The following ANKRD17 variants were observed in gnomAD, a reference collection of about 807,000 sequenced individuals.
ANKRD17 encodes the protein ankyrin repeat domain 17.
ANKRD17 carries 19 observed loss-of-function variants against 229.7 expected under a neutral mutation model. The observed-to-expected ratio is 0.08, with a 90% confidence interval of 0.06 to 0.12. The LOEUF is 0.12. Among genes scored for constraint, ANKRD17 ranks in the 10% least tolerant of loss-of-function variants. ANKRD17 has a pLI of 1.00. For missense variants in ANKRD17, 2,176 were observed against 3,176.8 expected, an observed-to-expected ratio of 0.68 and a Z score of 7.57; for synonymous variants, 1,112 against 1,146.1, an observed-to-expected ratio of 0.97 and a Z score of 0.60.
intron 1 of ANKRD17, among the ~76,000 whole-genome samples, chr4:73,203,639 T>A (rs1738983692): frequency 2.0e-5 from 3 of 150,412 alleles, no homozygotes; most frequent in Non-Finnish European, 4.4e-5. Flanking sequence ...ATGCCTGTAG[T>A]CCCAGCTACT....
intron 1 of ANKRD17, among the ~76,000 whole-genome samples, chr4:73,182,113 A>G (rs1039542481): frequency 6.9e-6 from 1 of 144,250 alleles, no homozygotes; most frequent in Non-Finnish European, 1.5e-5. Context: ...AGTATTCGAA[A>G]ATATTTTATT....
At chr4:73,198,863 A>C (rs1312900618) in intron 1 of ANKRD17, among the ~76,000 whole-genome samples, 12 of 152,202 alleles carry the variant, frequency 7.9e-5, no homozygotes, top group Non-Finnish European at 1.5e-4. Context: ...AAACAAAATA[A>C]ACTACAAATG....
chr4:73,224,980 G>A (rs1297313545), intron 1 of ANKRD17, among the ~76,000 whole-genome samples: 2 of 152,130 alleles, frequency 1.3e-5, no homozygotes, highest in Non-Finnish European at 2.9e-5. Context: ...GATTGCAAAG[G>A]GTATGTGGAA....
At chr4:73,182,776 T>C (rs1028655688) in intron 1 of ANKRD17, among the ~76,000 whole-genome samples, 2 of 152,212 alleles carry the variant, frequency 1.3e-5, no homozygotes, top group South Asian at 2.1e-4. Context: ...GATAAATCAA[T>C]GTTTCTCAAT....
chr4:73,209,820 A>G (rs1740014274), intron 1 of ANKRD17, among the ~76,000 whole-genome samples: 1 of 152,204 alleles, frequency 6.6e-6, no homozygotes. Flanking sequence ...AATTCATACA[A>G]TAACAGAACA....
intron 25 of ANKRD17, among the ~76,000 whole-genome samples, chr4:73,099,832 T>C (rs1209498663): frequency 6.6e-6 from 1 of 152,156 alleles, no homozygotes; most frequent in African/African-American, 2.4e-5. Flanking sequence ...CCCAGCCCCG[T>C]TGCCCTCCAC....
At chr4:73,121,566 C>G (rs1417138902) in intron 19 of ANKRD17, 51 bp downstream of exon 19, 1 of 1,603,472 alleles carries the variant, frequency 6.2e-7, no homozygotes. Flanking sequence ...CTACAAATAT[C>G]TATAACAGTC....
intron 30 of ANKRD17, among the ~76,000 whole-genome samples, chr4:73,079,976 C>A (rs902714173): frequency 1.3e-5 from 2 of 152,026 alleles, no homozygotes; most frequent in Middle Eastern, 3.4e-3. Flanking sequence ...CGTGGTGGCA[C>A]GCGCCTGTAG....
intron 1 of ANKRD17, among the ~76,000 whole-genome samples, chr4:73,244,913 A>C (rs1744355406): frequency 6.6e-6 from 1 of 152,190 alleles, no homozygotes; most frequent in East Asian, 1.9e-4. Context: ...TTGTAGTTCT[A>C]AGAAAAGCAG....
intron 2 of ANKRD17, among the ~76,000 whole-genome samples, chr4:73,167,579 T>A (rs1260569451): frequency 6.6e-6 from 1 of 152,192 alleles, no homozygotes; most frequent in Admixed American, 6.5e-5. Flanking sequence ...CTGAGTCTTC[T>A]TGTCTTCAGG....
At chr4:73,157,593 T>C (rs907941210) in intron 3 of ANKRD17, among the ~76,000 whole-genome samples, 3 of 152,306 alleles carry the variant, frequency 2.0e-5, no homozygotes, top group East Asian at 3.9e-4. Flanking sequence ...TCTTAAAATA[T>C]GGCCCTTTCA....
intron 16 of ANKRD17, among the ~76,000 whole-genome samples, chr4:73,129,591 C>A (rs1727915297): frequency 6.6e-6 from 1 of 151,878 alleles, no homozygotes; most frequent in Non-Finnish European, 1.5e-5. Flanking sequence ...GTGTGCAATG[C>A]CTGTACTCAT....
Position 73,142,775 on chromosome 4 carries a change from A to G in ANKRD17, c.1958-8T>C. The G allele has an allele frequency of 6.3e-7, 1 of 1,596,782 alleles. No homozygotes were observed. Among genetic ancestry groups the G allele is most frequent in the South Asian group, 1.1e-5 (1 of 87,802 alleles). On this transcript the variant is annotated splice_polypyrimidine_tract_variant and splice_region_variant and intron_variant, in intron 11 of 33. Coordinates refer to ENST00000358602, the MANE Select transcript of ANKRD17 (RefSeq NM_032217.5). ...TTCTATTCACATTCGCTCCTAAAAC[A>G]GAAAAGGCATGGAAAATCATATTAG...
chr4:73,250,615 A>C (rs1263294369), intron 1 of ANKRD17, among the ~76,000 whole-genome samples: 3 of 138,386 alleles, frequency 2.2e-5, no homozygotes, highest in Non-Finnish European at 4.7e-5. Context: ...AAAAAAAAAA[A>C]CAGAAAAAAA....
chr4:73,172,149 G>C (rs1485439123), intron 2 of ANKRD17, among the ~76,000 whole-genome samples: 1 of 152,122 alleles, frequency 6.6e-6, no homozygotes, highest in African/African-American at 2.4e-5. Flanking sequence ...CAAAGGTCAA[G>C]GAGGTAAGGA....
At chr4:73,160,350 C>T (rs185973409) in intron 3 of ANKRD17, among the ~76,000 whole-genome samples, 6 of 151,684 alleles carry the variant, frequency 4.0e-5, no homozygotes, top group East Asian at 3.9e-4. Flanking sequence ...TCCCGAGTAG[C>T]GGGGATTGCA....
At chr4:73,124,869 C>A in intron 18 of ANKRD17, 44 bp downstream of exon 18, 1 of 1,594,334 alleles carries the variant, frequency 6.3e-7, no homozygotes, top group Non-Finnish European at 8.6e-7. Context: ...TACACATTTG[C>A]TAAACAGAGA....
At chr4:73,215,013 A>T (rs570023606) in intron 1 of ANKRD17, among the ~76,000 whole-genome samples, 1 of 152,178 alleles carries the variant, frequency 6.6e-6, no homozygotes, top group Non-Finnish European at 1.5e-5. Flanking sequence ...TGCAAATGGT[A>T]GCCAACTTTT....
At chr4:73,245,762 A>C (rs957921752) in intron 1 of ANKRD17, among the ~76,000 whole-genome samples, 5 of 152,218 alleles carry the variant, frequency 3.3e-5, no homozygotes, top group African/African-American at 1.2e-4. Context: ...AACCTAAGGG[A>C]GAGAGGAGCT....
Sources: allele counts gnomAD v4.1 joint callset (sites outside exome capture counted in the v4.1 genomes callset), GRCh38; gene constraint gnomAD v4.1.1; transcripts MANE v1.5; gene names NCBI Gene and HGNC (gene_info 2026-07-23, HGNC 2026-07-21).